The following INSL6 variants were observed in gnomAD, a reference collection of about 807,000 sequenced individuals.
INSL6 encodes insulin like 6.
A neutral mutation model predicts 9.4 loss-of-function variants in INSL6; 16 were observed. That is an observed-to-expected ratio of 1.70 (90% confidence interval 1.15 to 2.59). INSL6 has a LOEUF of 2.59. Ranked by LOEUF, INSL6 falls within the 30% of genes most tolerant of loss-of-function variation. INSL6 has a pLI of 0.00. For synonymous variants in INSL6, 154 were observed against 96.9 expected (o/e 1.59, Z -3.46); for missense variants, 391 against 257.3 (o/e 1.52, Z -3.56).
chr9:5,111,298 T>C, the INSL6 span: 94 of 473,434 alleles, frequency 2.0e-4, no homozygotes, highest in African/African-American at 1.6e-3. Context: ...CCGGGCAAGC[T>C]GGCCCTCAGC....
intron 1 of INSL6, among the ~76,000 whole-genome samples, chr9:5,181,496 G>C (rs957852441): frequency 3.9e-5 from 6 of 151,994 alleles, no homozygotes; most frequent in African/African-American, 1.4e-4. Context: ...TTCCTACCGA[G>C]ACCAGAACTA....
the INSL6 span, among the ~76,000 whole-genome samples, chr9:5,059,343 C>A: frequency 1.3e-5 from 2 of 152,056 alleles, no homozygotes; most frequent in Non-Finnish European, 2.9e-5. Flanking sequence ...AATCTAGATT[C>A]TTTTAGTTAG....
the INSL6 span, among the ~76,000 whole-genome samples, chr9:5,018,974 A>G: frequency 6.6e-6 from 1 of 152,004 alleles, no homozygotes; most frequent in African/African-American, 2.4e-5. Flanking sequence ...GTTGTCTCTG[A>G]CAACAGTTCT....
chr9:5,155,115 C>T (rs1305028060), intron 2 of INSL6, among the ~76,000 whole-genome samples: 6 of 151,558 alleles, frequency 4.0e-5, no homozygotes, highest in Non-Finnish European at 7.4e-5. Flanking sequence ...GAAAATGTGG[C>T]ACATATACAC....
At chr9:5,120,027 A>G (rs1224316914), downstream of INSL6, among the ~76,000 whole-genome samples, 1 of 152,234 alleles carries the variant, frequency 6.6e-6, no homozygotes, top group Admixed American at 6.5e-5. Flanking sequence ...CTGAAAATGG[A>G]TAATTTATAA....
chr9:5,063,376 C>G, the INSL6 span, among the ~76,000 whole-genome samples: 1 of 152,166 alleles, frequency 6.6e-6, no homozygotes, highest in African/African-American at 2.4e-5. Flanking sequence ...GGAGAAGTAC[C>G]TCTTCGATCA....
chr9:5,119,374 T>C (rs1823444445), downstream of INSL6, among the ~76,000 whole-genome samples: 1 of 151,930 alleles, frequency 6.6e-6, no homozygotes, highest in Non-Finnish European at 1.5e-5. Flanking sequence ...TAATTTTAAA[T>C]AGAAAATTAT....
the INSL6 span, among the ~76,000 whole-genome samples, chr9:5,106,895 G>C: frequency 6.6e-6 from 1 of 152,042 alleles, no homozygotes; most frequent in Non-Finnish European, 1.5e-5. Flanking sequence ...AAAGGGGCCC[G>C]GGGGAGGGAT....
chr9:5,115,331 C>T, the INSL6 span, among the ~76,000 whole-genome samples: 1 of 152,132 alleles, frequency 6.6e-6, no homozygotes, highest in East Asian at 1.9e-4. Flanking sequence ...CACTGGTCAT[C>T]AGAGAAATGC....
chr9:4,993,362 T>A, the INSL6 span, among the ~76,000 whole-genome samples: 2 of 152,222 alleles, frequency 1.3e-5, no homozygotes, highest in Non-Finnish European at 2.9e-5. Flanking sequence ...CTTTGCTGGC[T>A]GAAAAGATTG....
At chr9:5,072,516 T>G in the INSL6 span, 22 of 1,595,862 alleles carry the variant, frequency 1.4e-5, 1 homozygote, top group Non-Finnish European at 1.8e-5. Flanking sequence ...CCAAGGCACT[T>G]TTACAAAGAT....
At chr9:5,041,273 GC>G in the INSL6 span, 1 of 1,182,556 alleles carries the variant, frequency 8.5e-7, no homozygotes. Flanking sequence ...CCTCGGGCTG[GC>G]CAAGGGGTAC....
the INSL6 span, among the ~76,000 whole-genome samples, chr9:5,102,769 C>T: frequency 6.6e-6 from 1 of 152,114 alleles, no homozygotes; most frequent in African/African-American, 2.4e-5. Flanking sequence ...ACTTTTCAAC[C>T]CAGAATTTCA....
At chr9:5,065,044 A>G in the INSL6 span, 1 of 1,548,550 alleles carries the variant, frequency 6.5e-7, no homozygotes. Flanking sequence ...CAATTTCGTG[A>G]GTAATACAGA....
chr9:5,174,331 A>G (rs1049140301), intron 1 of INSL6, among the ~76,000 whole-genome samples: 4 of 152,180 alleles, frequency 2.6e-5, no homozygotes, highest in African/African-American at 9.7e-5. Flanking sequence ...TCACTGTCTT[A>G]AACCCACTCT....
chr9:5,050,722 C>G, the INSL6 span: 1 of 1,613,640 alleles, frequency 6.2e-7, no homozygotes, highest in Non-Finnish European at 8.5e-7. Context: ...GATAAAAGTA[C>G]CTGTGACTCA....
intron 1 of INSL6, among the ~76,000 whole-genome samples, chr9:5,180,164 T>C (rs1221532896): frequency 6.6e-6 from 1 of 152,170 alleles, no homozygotes; most frequent in African/African-American, 2.4e-5. Flanking sequence ...TCCCAAATAA[T>C]ACTTTTATAA....
chr9:5,088,347 G>GA, the INSL6 span, among the ~76,000 whole-genome samples: 1 of 152,144 alleles, frequency 6.6e-6, no homozygotes, highest in Admixed American at 6.5e-5. Context: ...GTATATAACT[G>GA]AAAATATAGT....
At chr9:5,089,923 T>C in the INSL6 span, 1 of 1,177,714 alleles carries the variant, frequency 8.5e-7, no homozygotes, top group Non-Finnish European at 1.1e-6. Context: ...TCCTGTGTAA[T>C]ATAAATGTAC....
Sources: gnomAD v4.1 joint callset for allele counts (sites outside exome capture counted in the v4.1 genomes callset) on GRCh38, gnomAD v4.1.1 for gene constraint, MANE v1.5 for transcripts, NCBI Gene and HGNC (gene_info 2026-07-23, HGNC 2026-07-21) for gene names.